The following L3MBTL3 variants were observed in gnomAD, a reference collection of about 807,000 sequenced individuals.
L3MBTL3 encodes lethal(3)malignant brain tumor-like protein 3.
Under a neutral mutation model 102.3 loss-of-function variants are expected in L3MBTL3, and 27 were observed. The observed-to-expected ratio is 0.26, with a 90% CI of 0.19 to 0.36. The LOEUF (loss-of-function observed/expected upper bound fraction) is 0.36, where lower values mean the gene tolerates loss of function less well. L3MBTL3 is among the 10% of genes least tolerant of loss of function. L3MBTL3 has a pLI of 1.00. For missense variants in L3MBTL3, 798 were observed against 955.3 expected (o/e 0.84, Z 2.17); for synonymous variants, 340 against 320.9 (o/e 1.06, Z -0.64).
intron 2 of L3MBTL3, 64 bp from the exon 3 acceptor site, chr6:130,042,621 T>C: frequency 2.1e-6 from 2 of 930,522 alleles, no homozygotes; most frequent in Non-Finnish European, 3.5e-6. Flanking sequence ...AACTAACGAG[T>C]ACTAAATTAA....
At chr6:130,134,776 C>T (rs1787445190) in intron 22 of L3MBTL3, among the ~76,000 whole-genome samples, 1 of 152,162 alleles carries the variant, frequency 6.6e-6, no homozygotes, top group African/African-American at 2.4e-5. Flanking sequence ...GTGTAAAGCT[C>T]AACTGTTAAG....
At chr6:130,091,377 A>G (rs2115215242) in intron 16 of L3MBTL3, among the ~76,000 whole-genome samples, 1 of 152,324 alleles carries the variant, frequency 6.6e-6, no homozygotes, top group East Asian at 1.9e-4. Context: ...ATCAGTTGAT[A>G]TAACTGGCAA....
intron 18 of L3MBTL3, among the ~76,000 whole-genome samples, chr6:130,097,321 T>C (rs1040883093): frequency 3.3e-5 from 5 of 152,202 alleles, no homozygotes; most frequent in Non-Finnish European, 5.9e-5. Context: ...AAATTCTCTT[T>C]GGATTAATTA....
At chr6:130,107,990 C>G (rs114446293) in intron 19 of L3MBTL3, among the ~76,000 whole-genome samples, 4 of 152,144 alleles carry the variant, frequency 2.6e-5, no homozygotes, top group African/African-American at 9.7e-5. Context: ...ATGGTGTTTT[C>G]TGTTCCTCCA....
intron 15 of L3MBTL3, among the ~76,000 whole-genome samples, chr6:130,085,792 T>C (rs761535349): frequency 3.3e-5 from 5 of 152,216 alleles, no homozygotes; most frequent in Non-Finnish European, 5.9e-5. Context: ...AGTCTCCCTC[T>C]GTTGCCCAGG....
intron 20 of L3MBTL3, among the ~76,000 whole-genome samples, chr6:130,128,171 G>A (rs950085536): frequency 4.6e-5 from 7 of 152,050 alleles, no homozygotes; most frequent in Non-Finnish European, 1.0e-4. Flanking sequence ...TGTTTTTGCA[G>A]TAAACTTTAG....
chr6:130,068,235 T>C lies in L3MBTL3; in HGVS notation c.1001-95T>C, dbSNP rs191592056. 44 of 623,086 alleles carry C rather than the reference T, an allele frequency of 7.1e-5. 1 individual carries two copies. In the African/African-American group the frequency reaches 7.2e-4, roughly 10 times the overall value. The allele number at this position is 623,086 out of a possible 1,614,324, so 38.6% of individuals were successfully genotyped here. A position where few individuals can be genotyped will look rare whatever the true frequency, so the allele number is the denominator to read the frequency against. ...TTGTTTATTTAAAAAGTCATTTGAT[T>C]GATTTTGGCATGTTAGAGATAAAAG... On this transcript the variant is annotated intron_variant, in intron 11 of 22. Transcript: ENST00000361794.
At chr6:130,059,493 T>C (rs1781753284) in intron 9 of L3MBTL3, among the ~76,000 whole-genome samples, 1 of 152,264 alleles carries the variant, frequency 6.6e-6, no homozygotes, top group Non-Finnish European at 1.5e-5. Flanking sequence ...CATGTATACT[T>C]TCAAATCTTT....
Position 130,052,251 on chromosome 6 carries a change from C to T in L3MBTL3, c.450-608C>T, listed in dbSNP as rs553417764. On this transcript the variant is annotated intron_variant, in intron 6 of 22. Coordinates refer to ENST00000361794, the MANE Select transcript of L3MBTL3 (RefSeq NM_032438.4). ...CCTCCCGAGTAGCTGGGACTACAGG[C>T]GCACGCCACCACACCCAGCTAGTTT... Among the ~76,000 whole-genome samples, 16 of 151,944 alleles carry T rather than the reference C, an allele frequency of 1.1e-4. 1 individual carries two copies. In the East Asian group the frequency reaches 1.9e-3, roughly 18 times the overall value.
chr6:130,020,117 C>A (rs536303924), intron 1 of L3MBTL3, among the ~76,000 whole-genome samples: 1 of 149,658 alleles, frequency 6.7e-6, no homozygotes, highest in Non-Finnish European at 1.5e-5. Context: ...GGGTCGGGGC[C>A]GGGGCCGGCG....
At chr6:130,053,612 G>A (rs562098200) in intron 7 of L3MBTL3, among the ~76,000 whole-genome samples, 3 of 149,556 alleles carry the variant, frequency 2.0e-5, no homozygotes, top group Non-Finnish European at 4.4e-5. Flanking sequence ...TCCAGCCTGG[G>A]CGACAGAGCG....
intron 2 of L3MBTL3, among the ~76,000 whole-genome samples, chr6:130,039,279 C>A (rs190585937): frequency 1.8e-4 from 28 of 152,110 alleles, no homozygotes; most frequent in Admixed American, 3.3e-4. Flanking sequence ...TAAGGAACAA[C>A]TCCTCTTTTA....
chr6:130,019,074 C>T (rs1375299538), intron 1 of L3MBTL3, among the ~76,000 whole-genome samples: 1 of 151,782 alleles, frequency 6.6e-6, no homozygotes, highest in Non-Finnish European at 1.5e-5. Context: ...GGGGGCCGTG[C>T]GGAAGGGAGC....
intron 4 of L3MBTL3, 102 bp downstream of exon 4, chr6:130,049,495 A>C (rs1780952087): frequency 1.3e-6 from 1 of 799,856 alleles, no homozygotes; most frequent in Admixed American, 2.9e-5. Context: ...GCCCCGGGTA[A>C]TTTTTGTGCC....
intron 22 of L3MBTL3, chr6:130,138,294 C>T (rs1787925317): frequency 6.6e-6 from 1 of 152,186 alleles, no homozygotes; most frequent in South Asian, 2.1e-4. Context: ...AATGCATCGT[C>T]TCACAGTTCT....
chr6:130,027,886 A>G (rs1187591626), intron 2 of L3MBTL3, among the ~76,000 whole-genome samples: 1 of 151,740 alleles, frequency 6.6e-6, no homozygotes, highest in Non-Finnish European at 1.5e-5. Flanking sequence ...TGGGTGTAAA[A>G]TTTCTATTAT....
At chr6:130,064,829 A>G (rs1221341580) in intron 10 of L3MBTL3, among the ~76,000 whole-genome samples, 5 of 152,204 alleles carry the variant, frequency 3.3e-5, no homozygotes, top group Non-Finnish European at 5.9e-5. Context: ...GATAGAGACT[A>G]TGGGGAGAAC....
chr6:130,045,851 G>A (rs1780693123), intron 3 of L3MBTL3, among the ~76,000 whole-genome samples: 1 of 152,140 alleles, frequency 6.6e-6, no homozygotes, highest in African/African-American at 2.4e-5. Flanking sequence ...AGCTTAAGAA[G>A]GTACAGAGTG....
At chr6:130,103,087 A>C (rs535002056) in intron 18 of L3MBTL3, among the ~76,000 whole-genome samples, 1 of 152,244 alleles carries the variant, frequency 6.6e-6, no homozygotes, top group African/African-American at 2.4e-5. Context: ...GTAAGCTTTA[A>C]TTTGTTGCAT....
Sources: allele counts gnomAD v4.1 joint callset (sites outside exome capture counted in the v4.1 genomes callset), GRCh38; gene constraint gnomAD v4.1.1; transcripts MANE v1.5; gene names NCBI Gene and HGNC (gene_info 2026-07-23, HGNC 2026-07-21).